The following TDRD12 variants were observed in gnomAD, a reference collection of about 807,000 sequenced individuals.
TDRD12 encodes putative ATP-dependent RNA helicase TDRD12.
Under a neutral mutation model 133.5 loss-of-function variants are expected in TDRD12, and 158 were observed. That is an observed-to-expected ratio of 1.18 (90% CI 1.04 to 1.35). TDRD12 has a LOEUF of 1.35. Among genes scored for constraint, TDRD12 ranks in the 40% most tolerant of loss-of-function variants. The pLI, the probability that TDRD12 is intolerant of heterozygous loss-of-function variation, is 0.00. For synonymous variants in TDRD12, 460 were observed against 477.9 expected (o/e 0.96, Z 0.49); for missense variants, 1,443 against 1,321.3 (o/e 1.09, Z -1.43).
chr19:32,762,797 G>A (rs768684946), intron 8 of TDRD12, among the ~76,000 whole-genome samples: 3 of 152,138 alleles, frequency 2.0e-5, no homozygotes, highest in African/African-American at 4.8e-5. Context: ...CTTACTGATG[G>A]ACTATGTTCT....
chr19:32,758,199 A>G (rs1970051390), intron 8 of TDRD12, among the ~76,000 whole-genome samples: 1 of 152,138 alleles, frequency 6.6e-6, no homozygotes, highest in Non-Finnish European at 1.5e-5. Context: ...AATTTTATGG[A>G]GCGATGGAAT....
chr19:32,802,696 T>TG lies in TDRD12; in HGVS notation c.2239dup (p.Ala747GlyfsTer25), dbSNP rs1568487409. ...GCGTCCCACTCTTGGCCATCACCGA[T>TG]GCCACGTGTGTGATTCACTTCAGTT... On this transcript the variant is annotated frameshift_variant, in exon 20 of 28. Transcript: ENST00000444215. LOFTEE classifies it high-confidence loss of function. The TG allele has an allele frequency of 6.5e-7, 1 of 1,536,294 alleles. No homozygotes were observed. Among genetic ancestry groups the TG allele is most frequent in the South Asian group, 1.2e-5 (1 of 84,056 alleles).
chr19:32,822,702 G>A (rs1434218082), downstream of TDRD12, among the ~76,000 whole-genome samples: 14 of 149,562 alleles, frequency 9.4e-5, 1 homozygote, highest in African/African-American at 2.7e-4. Context: ...AGCCAAGATC[G>A]CGCCACTGCA....
chr19:32,720,131 A>G, intron 1 of TDRD12, 35 bp downstream of exon 1: 2 of 1,539,498 alleles, frequency 1.3e-6, no homozygotes, highest in Non-Finnish European at 8.7e-7. Flanking sequence ...CGCCAGACCC[A>G]CGCAGTCCCC....
chr19:32,805,729 C>CT (rs397860060), intron 21 of TDRD12, among the ~76,000 whole-genome samples: 4,913 of 118,862 alleles, frequency 0.041, 240 homozygotes, highest in African/African-American at 0.089. Flanking sequence ...TTTTTTTTAT[C>CT]TTTTTTTTTT....
At chr19:32,734,301 C>A (rs1969155644) in intron 2 of TDRD12, among the ~76,000 whole-genome samples, 1 of 151,386 alleles carries the variant, frequency 6.6e-6, no homozygotes, top group Non-Finnish European at 1.5e-5. Flanking sequence ...GTGCTTTGTG[C>A]CTAGTTATCA....
At chr19:32,745,070 A>G (rs1481728194) in intron 4 of TDRD12, among the ~76,000 whole-genome samples, 1 of 152,152 alleles carries the variant, frequency 6.6e-6, no homozygotes, top group Non-Finnish European at 1.5e-5. Context: ...CCCTCCAGCC[A>G]GCCCCCCCCA....
chr19:32,748,633 C>T lies in TDRD12; in HGVS notation c.496+102C>T, dbSNP rs544832218. 29 of 1,211,412 alleles carry T rather than the reference C, an allele frequency of 2.4e-5. No individual in the cohort carries two copies. The Middle Eastern group carries it at 7.1e-4, about 29-fold the overall frequency. The allele number at this position is 1,211,412 out of a possible 1,614,324, so 75.0% of individuals were successfully genotyped here. On this transcript the variant is annotated intron_variant, in intron 5 of 27. Transcript: ENST00000444215. The stretch of plus-strand genomic sequence containing the variant: ...GTTGGAGATGCCCCTGTTGGCCAAA[C>T]GGCCCTCCTCAGAGGAGTTCCCTAA...
rs771370012 is a variant in TDRD12, at chr19:32,813,820, C to A, written c.3141+44C>A. 86 of 1,119,182 alleles carry A rather than the reference C, an allele frequency of 7.7e-5. 1 individual carries two copies. In the South Asian group the frequency reaches 1.1e-3, roughly 15 times the overall value. 69.3% of individuals were successfully genotyped at this position (1,119,182 alleles called of 1,614,324 possible). A position where few individuals can be genotyped will look rare whatever the true frequency, so the allele number is the denominator to read the frequency against. ...TTAGAAATAAATTTGTTTGAATGGG[C>A]GGCTAAAATTATCCAGATTATTCTA... On this transcript the variant is annotated intron_variant, in intron 25 of 27. Coordinates refer to ENST00000444215, the Ensembl canonical transcript of TDRD12.
chr19:32,729,795 T>C (rs1481182864), intron 1 of TDRD12, among the ~76,000 whole-genome samples: 19 of 127,786 alleles, frequency 1.5e-4, no homozygotes, highest in African/African-American at 6.0e-4. Flanking sequence ...TTTTTTTTTT[T>C]TTTTTTTTTT....
intron 11 of TDRD12, among the ~76,000 whole-genome samples, chr19:32,789,094 T>C (rs1029520647): frequency 6.6e-6 from 1 of 150,838 alleles, no homozygotes; most frequent in Non-Finnish European, 1.5e-5. Flanking sequence ...TGTGGAGTAG[T>C]GTAAGGTGAT....
chr19:32,813,630 A>C, intron 24 of TDRD12, 54 bp from the exon 25 acceptor site: 2 of 1,069,232 alleles, frequency 1.9e-6, no homozygotes, highest in Non-Finnish European at 2.7e-6. Flanking sequence ...GCATATACAA[A>C]ATAAGGTATT....
At chr19:32,734,424 G>T (rs904424856) in intron 2 of TDRD12, among the ~76,000 whole-genome samples, 3 of 150,694 alleles carry the variant, frequency 2.0e-5, no homozygotes, top group Non-Finnish European at 3.0e-5. Flanking sequence ...AGGCTGGAGT[G>T]CAGTGACTCT....
chr19:32,775,860 C>G (rs1393552865), intron 10 of TDRD12, among the ~76,000 whole-genome samples: 1 of 152,132 alleles, frequency 6.6e-6, no homozygotes, highest in Non-Finnish European at 1.5e-5. Flanking sequence ...TAACTTTGGA[C>G]TCACTCTGGA....
rs1026294493 is a variant in TDRD12 at position 32,827,157 on chromosome 19, C to G, written c.1050-7C>G. The G allele has an allele frequency of 2.7e-5, 32 of 1,198,968 alleles. No individual in the cohort carries two copies. Among genetic ancestry groups the G allele is most frequent in the Non-Finnish European group, 3.2e-5 (31 of 958,000 alleles). 74.3% of individuals were successfully genotyped at this position (1,198,968 alleles called of 1,614,324 possible). ...CACTTATTTGTTATAATATCTTACT[C>G]CTTTAGTAGTGAATTCTAAAAACCT... On this transcript the variant is annotated splice_region_variant and splice_polypyrimidine_tract_variant and intron_variant, in intron 9 of 9. Coordinates refer to the TDRD12 transcript ENST00000637289.
chr19:32,748,390 A>G lies in TDRD12; in HGVS notation c.441-86A>G, dbSNP rs1215166143. 3 of 1,319,906 alleles carry G rather than the reference A, an allele frequency of 2.3e-6. No individual in the cohort carries two copies. The African/African-American group carries it at 4.4e-5, about 19-fold the overall frequency. The allele number at this position is 1,319,906 out of a possible 1,614,324, so 81.8% of individuals were successfully genotyped here. Reference sequence around the variant, plus strand: ...ACGTGTTCCATATGTAGTGTGAGAAATGTCCAGTGCATGGTTTACAAAATG... The same window carrying G: ...ACGTGTTCCATATGTAGTGTGAGAAGTGTCCAGTGCATGGTTTACAAAATG... On this transcript the variant is annotated intron_variant, in intron 4 of 27. Transcript: ENST00000444215.
intron 4 of TDRD12, among the ~76,000 whole-genome samples, chr19:32,745,822 A>AG (rs1969593672): frequency 5.7e-5 from 3 of 52,498 alleles, no homozygotes; most frequent in South Asian, 5.2e-4. Context: ...GTGAGAGAGA[A>AG]GGAGAGAGAC....
In TDRD12 at chr19:32,827,372, C is replaced by CTTTT. The variant is rs549327733; in HGVS notation, c.*228_*231dup. On this transcript the variant is annotated 3_prime_UTR_variant, in exon 10 of 10. Coordinates refer to the TDRD12 transcript ENST00000637289. ...TAACCAAATCTTTTTCTTTTCTTTT[C>CTTTT]TTTTTTTTTTTTTTTTTTTTTTTTT... 2.1e-3 allele frequency: 254 copies of CTTTT among 122,382 alleles called. 5 individuals carry two copies. Among genetic ancestry groups the CTTTT allele is most frequent in the African/African-American group, 0.012 (166 of 14,414 alleles). The allele number at this position is 122,382 out of a possible 1,614,324, so 7.6% of individuals were successfully genotyped here. A position where few individuals can be genotyped will look rare whatever the true frequency, so the allele number is the denominator to read the frequency against.
At position 32,798,307 on chromosome 19, in the gene TDRD12, G is replaced by A; in HGVS notation, c.1631-1G>A. On this transcript the variant is annotated splice_acceptor_variant, in intron 15 of 27. Coordinates refer to ENST00000444215, the Ensembl canonical transcript of TDRD12. LOFTEE classifies it high-confidence loss of function. ...ATGTTCACTTTTTTTTTTAAATGCAGGTGATGTGATTGTTACGACCCCATA... is the reference window on the plus strand; with the variant it reads ...ATGTTCACTTTTTTTTTTAAATGCAAGTGATGTGATTGTTACGACCCCATA... 1 of 1,523,038 alleles carries A rather than the reference G, an allele frequency of 6.6e-7. No individual in the cohort carries two copies. The highest frequency in any genetic ancestry group is 2.0e-5 in the Admixed American group (1 of 49,978). 94.3% of individuals were successfully genotyped at this position (1,523,038 alleles called of 1,614,324 possible).
Sources: allele counts gnomAD v4.1 joint callset (sites outside exome capture counted in the v4.1 genomes callset), GRCh38; gene constraint gnomAD v4.1.1; transcripts MANE v1.5; gene names NCBI Gene and HGNC (gene_info 2026-07-23, HGNC 2026-07-21).